Variants in AFF2 observed in about 807,000 individuals in gnomAD.
AFF2 encodes AF4/FMR2 family member 2.
AFF2 carries 14 observed loss-of-function variants against 76.9 expected under a neutral mutation model. The observed-to-expected ratio is 0.18, with a 90% CI of 0.12 to 0.28. The LOEUF is 0.28. Among genes scored for constraint, AFF2 ranks in the 10% least tolerant of loss-of-function variants. AFF2 has a pLI of 1.00. For synonymous variants in AFF2, 398 were observed against 366.7 expected (o/e 1.09, Z -0.98); for missense variants, 868 against 1,001.1 (o/e 0.87, Z 1.79).
intron 9 of AFF2, among the ~76,000 whole-genome samples, chrX:148,929,132 C>G (rs1177472734): frequency 8.9e-6 from 1 of 112,333 alleles, no homozygotes; most frequent in Admixed American, 9.4e-5. Flanking sequence ...ATTTCTTGCT[C>G]TAGCTTTAAA....
chrX:148,544,997 A>T (rs782617452), intron 1 of AFF2, among the ~76,000 whole-genome samples: 1 of 112,712 alleles, frequency 8.9e-6, no homozygotes, highest in African/African-American at 3.2e-5. Context: ...TTCTTCTGTG[A>T]AGAATCCCTT....
intron 3 of AFF2, among the ~76,000 whole-genome samples, chrX:148,680,872 A>G (rs782585225): frequency 7.2e-5 from 8 of 111,217 alleles, no homozygotes; most frequent in Non-Finnish European, 9.4e-5. Flanking sequence ...ATGGGCATTC[A>G]TAAACTTTTG....
intron 16 of AFF2, among the ~76,000 whole-genome samples, chrX:148,975,899 C>G (rs1449351225): frequency 1.2e-5 from 1 of 81,161 alleles, no homozygotes; most frequent in African/African-American, 4.1e-5. Flanking sequence ...AGCCGAGATC[C>G]CGCCACTGCA....
At chrX:148,988,323 G>A (rs918930976) in intron 20 of AFF2, among the ~76,000 whole-genome samples, 1 of 111,974 alleles carries the variant, frequency 8.9e-6, no homozygotes, top group Non-Finnish European at 1.9e-5. Flanking sequence ...GTCAAGGTGG[G>A]GACAAATGTG....
In AFF2 at chrX:148,939,427, C is replaced by G. The variant is rs1557285344; in HGVS notation, c.1398-14153C>G. Among the ~76,000 whole-genome samples the G allele has an allele frequency of 2.7e-5, 3 of 111,744 alleles. No individual in the cohort carries two copies. In the Admixed American group the frequency reaches 2.8e-4, roughly 11 times the overall value. ...GCCTTTATATATTCTTATTTTAACA[C>G]TAATCTTTGTGTATATGATGGAAAT... On this transcript the variant is annotated intron_variant, in intron 9 of 20. Coordinates refer to ENST00000370460, the MANE Select transcript of AFF2 (RefSeq NM_002025.4).
chrX:148,587,494 C>A (rs1174688957), intron 1 of AFF2, among the ~76,000 whole-genome samples: 2 of 111,956 alleles, frequency 1.8e-5, no homozygotes, highest in Admixed American at 9.5e-5. Context: ...AAGGTGATTA[C>A]AAAAACATGG....
chrX:148,628,079 A>C (rs1022157509), intron 1 of AFF2, among the ~76,000 whole-genome samples: 1 of 111,242 alleles, frequency 9.0e-6, no homozygotes, highest in Non-Finnish European at 1.9e-5. Context: ...GATTGTAAAG[A>C]AGAAGCCAGG....
At chrX:148,986,658 G>C (rs1359207654) in intron 19 of AFF2, among the ~76,000 whole-genome samples, 2 of 112,780 alleles carry the variant, frequency 1.8e-5, no homozygotes, top group African/African-American at 6.4e-5. Context: ...TCCTTGGGGG[G>C]CTGTAAGAAT....
rs1247614630 is a variant in AFF2 at position 148,996,632 on chromosome X, A to G, written c.*5300A>G. The G allele has an allele frequency of 8.9e-6, 1 of 112,318 alleles. No homozygotes were observed. The highest frequency in any genetic ancestry group is 1.9e-5 in the Non-Finnish European group (1 of 53,273). 9.3% of individuals were successfully genotyped at this position (112,318 alleles called of 1,213,427 possible). Reference sequence around the variant, plus strand: ...AACAATTACATAGTTTTAAGATATGAATCAATGTGTGAATGTAGAAAGCTT... The same window carrying G: ...AACAATTACATAGTTTTAAGATATGGATCAATGTGTGAATGTAGAAAGCTT... On this transcript the variant is annotated 3_prime_UTR_variant, in exon 21 of 21. Transcript: ENST00000370460.
At chrX:148,892,864 TTATCAGC>T (rs1733896544) in intron 8 of AFF2, among the ~76,000 whole-genome samples, 1 of 111,898 alleles carries the variant, frequency 8.9e-6, no homozygotes, top group Non-Finnish European at 1.9e-5. Flanking sequence ...ATTTACTTTG[TTATCAGC>T]AGAAAGGCTG....
rs1472648735 is a variant in AFF2, at chrX:148,720,900, A to G, written c.1041+58132A>G. On this transcript the variant is annotated intron_variant, in intron 3 of 20. Coordinates refer to ENST00000370460, the MANE Select transcript of AFF2 (RefSeq NM_002025.4). ...TCAAATATACTCAGAAGGATAAAAC[A>G]GATCTCTATATCCATATCTCATATT... 3.6e-5 allele frequency among the ~76,000 whole-genome samples: 4 copies of G among 111,895 alleles called. No homozygotes were observed. In the East Asian group the frequency reaches 1.1e-3, roughly 32 times the overall value.
At chrX:148,614,976 T>C (rs782468883) in intron 1 of AFF2, among the ~76,000 whole-genome samples, 4 of 109,762 alleles carry the variant, frequency 3.6e-5, no homozygotes, top group East Asian at 2.9e-4. Flanking sequence ...TTAATAACTT[T>C]ACATTATTTC....
rs190309539 is a variant in AFF2 at position 148,871,594 on chromosome X, G to T, written c.1263-14295G>T. ...TTAGAGCAACTCATCCAAATTGGCA[G>T]CCCACATTAACCACATGCCTGCCTG... On this transcript the variant is annotated intron_variant, in intron 7 of 20. Coordinates refer to ENST00000370460, the MANE Select transcript of AFF2 (RefSeq NM_002025.4). Among the ~76,000 whole-genome samples, 9 of 112,032 alleles carry T rather than the reference G, an allele frequency of 8.0e-5. No homozygotes were observed. In the East Asian group the frequency reaches 2.6e-3, roughly 32 times the overall value.
At chrX:148,687,663 CTT>C (rs1244602865) in intron 3 of AFF2, among the ~76,000 whole-genome samples, 1 of 110,064 alleles carries the variant, frequency 9.1e-6, no homozygotes, top group Non-Finnish European at 1.9e-5. Flanking sequence ...TTCCTAGTCT[CTT>C]TTTATGCAAT....
intron 1 of AFF2, among the ~76,000 whole-genome samples, chrX:148,542,647 G>C (rs2052872426): frequency 8.9e-6 from 1 of 111,936 alleles, no homozygotes; most frequent in African/African-American, 3.3e-5. Context: ...ATGCAGACAG[G>C]TGCCCACAGG....
chrX:148,980,611 C>T (rs1050431236), intron 18 of AFF2, 127 bp from the exon 19 acceptor site: 1 of 456,850 alleles, frequency 2.2e-6, no homozygotes, highest in Admixed American at 2.8e-5. Context: ...ACATACATCC[C>T]AGCTCTGCAT....
At chrX:148,723,036 A>C (rs782615375) in intron 3 of AFF2, among the ~76,000 whole-genome samples, 1 of 111,243 alleles carries the variant, frequency 9.0e-6, no homozygotes, top group Non-Finnish European at 1.9e-5. Context: ...CTACCTTGTC[A>C]TATAGCACAG....
At chrX:148,615,895 C>A (rs1478616679) in intron 1 of AFF2, among the ~76,000 whole-genome samples, 1 of 111,467 alleles carries the variant, frequency 9.0e-6, no homozygotes, top group Non-Finnish European at 1.9e-5. Context: ...TTTGTGTTTT[C>A]CACTTACCTA....
intron 3 of AFF2, among the ~76,000 whole-genome samples, chrX:148,689,481 A>T (rs1178955908): frequency 9.1e-6 from 1 of 109,394 alleles, no homozygotes; most frequent in Non-Finnish European, 1.9e-5. Context: ...GGCCTCCTGG[A>T]GTGTCTGTGG....
Sources: gnomAD v4.1 joint callset for allele counts (sites outside exome capture counted in the v4.1 genomes callset) on GRCh38, gnomAD v4.1.1 for gene constraint, MANE v1.5 for transcripts, NCBI Gene and HGNC (gene_info 2026-07-23, HGNC 2026-07-21) for gene names.